SLC12A5: variants seen among roughly 807,000 people sequenced by gnomAD.
SLC12A5 encodes the protein solute carrier family 12 member 5.
In SLC12A5, 18 loss-of-function variants were observed where a neutral mutation model predicts 124.0. The ratio of observed to expected loss-of-function variants is 0.15; its 90% CI spans 0.10 to 0.22. The LOEUF is 0.22. Ranked by LOEUF, SLC12A5 falls within the 10% of genes least tolerant of loss-of-function variation. SLC12A5 has a pLI of 1.00. For synonymous variants in SLC12A5, 589 were observed against 568.0 expected, an observed-to-expected ratio of 1.04 and a Z score of -0.53; for missense variants, 867 against 1,478.7, an observed-to-expected ratio of 0.59 and a Z score of 6.78.
Position 46,043,519 on chromosome 20 carries a change from G to A in SLC12A5, c.1238-114G>A, listed in dbSNP as rs2084566782. 4.0e-6 allele frequency: 5 copies of A among 1,235,122 alleles called. No individual in the cohort carries two copies. In the South Asian group the frequency reaches 4.1e-5, roughly 10 times the overall value. The allele number at this position is 1,235,122 out of a possible 1,614,324, so 76.5% of individuals were successfully genotyped here. A position where few individuals can be genotyped will look rare whatever the true frequency, so the allele number is the denominator to read the frequency against. Reference sequence around the variant, plus strand: ...CATGTCCAAGGTCTCACACAAGCCAGTATGTTAGGACTAGATCCCAGACTC... The same window carrying A: ...CATGTCCAAGGTCTCACACAAGCCAATATGTTAGGACTAGATCCCAGACTC... On this transcript the variant is annotated intron_variant, in intron 9 of 25. Coordinates refer to ENST00000243964, the MANE Select transcript of SLC12A5 (RefSeq NM_020708.5).
At chr20:46,049,347 G>A (rs560875839) in intron 16 of SLC12A5, among the ~76,000 whole-genome samples, 1 of 152,310 alleles carries the variant, frequency 6.6e-6, no homozygotes, top group South Asian at 2.1e-4. Flanking sequence ...GTGGATAATT[G>A]AATGAATAAT....
In SLC12A5 at chr20:46,049,701, C is replaced by T. The variant is rs1325111537; in HGVS notation, c.2092C>T (p.Leu698=). The part of the protein sequence containing the change: ...HPQLLSLTSQ[L]KAGKGLTIVG... ...CCAGCTGCTCTCACTGACCTCCCAG[C>T]TGAAGGCGGGGAAGGGCCTGACCAT... The change falls in exon 17 of 26, where the codon CTG becomes TTG. Residue 698 remains leucine (L), a synonymous_variant. Transcript: ENST00000243964. 1.2e-6 allele frequency: 2 copies of T among 1,606,604 alleles called. No homozygotes were observed. Among genetic ancestry groups the T allele is most frequent in the Admixed American group, 3.4e-5 (2 of 58,716 alleles).
intron 7 of SLC12A5, chr20:46,040,913 G>A: frequency 2.2e-6 from 1 of 452,196 alleles, no homozygotes; most frequent in Non-Finnish European, 4.0e-6. Flanking sequence ...TCTGTGGTAG[G>A]GAAACCTTTC....
Position 46,057,324 on chromosome 20 carries a change from G to T in SLC12A5, c.3259+21G>T. 1 of 1,613,674 alleles carries T rather than the reference G, an allele frequency of 6.2e-7. No individual in the cohort carries two copies. Among genetic ancestry groups the T allele is most frequent in the Non-Finnish European group, 8.5e-7 (1 of 1,179,564 alleles). On this transcript the variant is annotated intron_variant, in intron 25 of 25. Coordinates refer to ENST00000243964, the MANE Select transcript of SLC12A5 (RefSeq NM_020708.5). The surrounding 1 kb of genome is among the most constrained non-coding windows in gnomAD (Gnocchi z 7.1). ...AAACTGTATCCTGGAATTAAAATTG[G>T]GGGAAAGAGGGAGGTGGACGTCAGG...
intron 6 of SLC12A5, among the ~76,000 whole-genome samples, chr20:46,038,530 G>A (rs546449891): frequency 1.1e-4 from 17 of 152,324 alleles, no homozygotes; most frequent in African/African-American, 4.1e-4. Context: ...AAGGCTCAGA[G>A]TTTAAGGAAC....
upstream of SLC12A5, among the ~76,000 whole-genome samples, chr20:46,024,469 T>C (rs1224193202): frequency 1.3e-5 from 2 of 152,182 alleles, 1 homozygote; most frequent in Non-Finnish European, 2.9e-5. Flanking sequence ...CAGCATCTGC[T>C]GGTATCTTTC....
At chr20:46,044,131 T>C (rs1448406974) in intron 11 of SLC12A5, among the ~76,000 whole-genome samples, 198 bp downstream of exon 11, 3 of 152,228 alleles carry the variant, frequency 2.0e-5, no homozygotes, top group Admixed American at 2.0e-4. Flanking sequence ...TTGGATGGTG[T>C]CTCATTTCCT....
upstream of SLC12A5, among the ~76,000 whole-genome samples, chr20:46,026,035 G>A (rs566316165): frequency 2.4e-3 from 367 of 152,260 alleles, 1 homozygote; most frequent in African/African-American, 8.5e-3. Flanking sequence ...ATGGAGTCCC[G>A]GACAGGAGGT....
At position 46,037,206 on chromosome 20, in the gene SLC12A5, G is replaced by A. The variant is rs374595186; in HGVS notation, c.482-49G>A. On this transcript the variant is annotated intron_variant, in intron 5 of 25. Coordinates refer to ENST00000243964, the MANE Select transcript of SLC12A5 (RefSeq NM_020708.5). ...CACTGAACACCCCTCACCCCTTACG[G>A]CAGCCCAGTGCCCCCGACCCTCTCG... The A allele has an allele frequency of 1.1e-5, 17 of 1,549,098 alleles. No homozygotes were observed. The African/African-American group carries it at 2.2e-4, about 20-fold the overall frequency.
upstream of SLC12A5, chr20:46,021,686 C>T (rs376550664): frequency 6.8e-4 from 1,017 of 1,500,312 alleles, 16 homozygotes; most frequent in East Asian, 0.024. Flanking sequence ...GGGATCCGCT[C>T]TTTCTCCCTC....
At position 46,035,911 on chromosome 20, in the gene SLC12A5, C is replaced by G. The variant is rs781288039; in HGVS notation, c.414C>G (p.Ile138Met). Residue 138 changes from isoleucine to methionine, a missense_variant, in exon 4 of 26, where the codon ATC (isoleucine) becomes ATG (methionine). By Grantham distance (10) the Ile-to-Met change is conservative (BLOSUM62 1). This residue lies in a region of SLC12A5 where 126 missense variants were observed against 291.6 expected (regional missense o/e 0.43). Transcript: ENST00000243964. ...TGGAGTCCTTCTGCATGGTGTTCATCTGCTGCTCCTGTGTGAGTGACACCC... is the reference window on the plus strand; with the variant it reads ...TGGAGTCCTTCTGCATGGTGTTCATGTGCTGCTCCTGTGTGAGTGACACCC... ...GIMESFCMVF[I>M]CCSCTMLTAI... 6.2e-7 allele frequency: 1 copy of G among 1,611,554 alleles called. No individual in the cohort carries two copies. Among genetic ancestry groups the G allele is most frequent in the South Asian group, 1.1e-5 (1 of 90,884 alleles).
chr20:46,048,011 A>G lies in SLC12A5; in HGVS notation c.1938A>G (p.Arg646=). Residue 646 remains arginine (R), a synonymous_variant, in exon 16 of 26, where the codon CGA becomes CGG. Coordinates refer to ENST00000243964, the MANE Select transcript of SLC12A5 (RefSeq NM_020708.5). ...GAEKEWGDGI[R]GLSLSAARYA... is the part of the protein sequence containing the mutation. ...AGAAGGAGTGGGGCGATGGGATACG[A>G]GGTCTGTCTCTCAGTGCGGCTCGCT... 1.2e-6 allele frequency: 2 copies of G among 1,612,482 alleles called. No individual in the cohort carries two copies. The highest frequency in any genetic ancestry group is 1.7e-6 in the Non-Finnish European group (2 of 1,179,372).
At chr20:46,028,689 C>A (rs2084418525), upstream of SLC12A5, among the ~76,000 whole-genome samples, 1 of 152,146 alleles carries the variant, frequency 6.6e-6, no homozygotes, top group African/African-American at 2.4e-5. Context: ...GTTCTCCTCC[C>A]CCACTTCAGG....
upstream of SLC12A5, among the ~76,000 whole-genome samples, chr20:46,025,607 G>A (rs558371840): frequency 6.6e-6 from 1 of 152,284 alleles, no homozygotes; most frequent in Admixed American, 6.5e-5. Flanking sequence ...AAGATGGACT[G>A]AGTCTGCAGA....
chr20:46,040,809 A>G (rs988002685), intron 7 of SLC12A5, 195 bp downstream of exon 7: 2 of 807,170 alleles, frequency 2.5e-6, no homozygotes, highest in Non-Finnish European at 3.8e-6. Context: ...TTTCTGGAGG[A>G]GGGAACAATT....
At chr20:46,029,129 G>A (rs1775100652), upstream of SLC12A5, 1 of 1,384,168 alleles carries the variant, frequency 7.2e-7, no homozygotes, top group African/African-American at 1.5e-5. Flanking sequence ...TACGGGATGA[G>A]GTGAGCAGCG....
At chr20:46,043,550 C>T (rs1399812068) in intron 9 of SLC12A5, 83 bp from the exon 10 acceptor site, 3 of 1,426,002 alleles carry the variant, frequency 2.1e-6, no homozygotes, top group South Asian at 1.2e-5. Flanking sequence ...GACTCACTGA[C>T]CCTGAGGGTG....
At chr20:46,054,533 C>G (rs2084673125) in intron 20 of SLC12A5, among the ~76,000 whole-genome samples, 1 of 152,234 alleles carries the variant, frequency 6.6e-6, no homozygotes, top group Non-Finnish European at 1.5e-5. Context: ...CCCATGTATT[C>G]ATTGAAGTAT....
In SLC12A5 at chr20:46,053,621, T is replaced by G. The variant is rs1288834040; in HGVS notation, c.2591T>G (p.Met864Arg). The G allele has an allele frequency of 6.2e-7, 1 of 1,614,068 alleles. No individual in the cohort carries two copies. Among genetic ancestry groups the G allele is most frequent in the Admixed American group, 1.7e-5 (1 of 60,016 alleles). The part of the protein sequence containing the change: ...CKMRIFTVAQ[M>R]DDNSIQMKKD... ...ATGCGTATCTTCACTGTGGCCCAGA[T>G]GGATGACAATAGCATCCAGATGAAG... The change falls in exon 20 of 26, where the codon ATG becomes AGG. Residue 864 changes from methionine (M) to arginine (R), a missense_variant. Physicochemically the swap from Met to Arg is moderately conservative, Grantham distance 91 (BLOSUM62 -1). Coordinates refer to ENST00000243964, the MANE Select transcript of SLC12A5 (RefSeq NM_020708.5). The surrounding 1 kb of genome is among the most constrained non-coding windows in gnomAD (Gnocchi z 4.7).
Sources: allele counts gnomAD v4.1 joint callset (sites outside exome capture counted in the v4.1 genomes callset), GRCh38; gene constraint gnomAD v4.1.1; regional missense constraint gnomAD v4.1.1; non-coding constraint Gnocchi (gnomAD v3.1); transcripts MANE v1.5; gene names NCBI Gene and HGNC (gene_info 2026-07-23, HGNC 2026-07-21).